Variants in ITPKB observed in about 807,000 individuals in gnomAD.
ITPKB encodes the protein inositol-trisphosphate 3-kinase B.
A neutral mutation model predicts 69.4 loss-of-function variants in ITPKB; 13 were observed. The ratio of observed to expected loss-of-function variants is 0.19; its 90% CI spans 0.12 to 0.30. ITPKB has a LOEUF of 0.30. ITPKB is among the 10% of genes least tolerant of loss of function. ITPKB has a pLI of 1.00. For missense variants in ITPKB, 1,240 were observed against 1,250.5 expected (o/e 0.99, Z 0.13); for synonymous variants, 584 against 513.7 (o/e 1.14, Z -1.85).
intron 2 of ITPKB, among the ~76,000 whole-genome samples, chr1:226,650,987 C>A (rs932753967): frequency 1.3e-5 from 2 of 152,132 alleles, no homozygotes; most frequent in African/African-American, 4.8e-5. Context: ...CTGCAGCGTG[C>A]CAGTTTATAT....
At chr1:226,726,376 A>G (rs1178372459) in intron 2 of ITPKB, among the ~76,000 whole-genome samples, 1 of 152,234 alleles carries the variant, frequency 6.6e-6, no homozygotes, top group African/African-American at 2.4e-5. Context: ...GAAAAAGAGA[A>G]GGCCAGGCTC....
At chr1:226,650,073 C>G (rs1669155913) in intron 2 of ITPKB, among the ~76,000 whole-genome samples, 1 of 152,160 alleles carries the variant, frequency 6.6e-6, no homozygotes, top group African/African-American at 2.4e-5. Context: ...GAGGGTGGTA[C>G]TGCCTGACAG....
chr1:226,728,999 A>G (rs2102648792), intron 2 of ITPKB, among the ~76,000 whole-genome samples: 1 of 152,146 alleles, frequency 6.6e-6, no homozygotes, highest in African/African-American at 2.4e-5. Context: ...TCTCTCCTTC[A>G]TTCATTCACC....
chr1:226,647,466 C>A, intron 3 of ITPKB, 86 bp from the exon 4 acceptor site: 1 of 940,476 alleles, frequency 1.1e-6, no homozygotes, highest in Non-Finnish European at 1.7e-6. Flanking sequence ...CTGGGCCTCC[C>A]TGGGGATGGC....
At chr1:226,663,527 G>C (rs994086277) in intron 2 of ITPKB, among the ~76,000 whole-genome samples, 4 of 151,592 alleles carry the variant, frequency 2.6e-5, no homozygotes, top group Admixed American at 1.3e-4. Flanking sequence ...TTTTTTATGA[G>C]ACAGGGTCTT....
intron 2 of ITPKB, among the ~76,000 whole-genome samples, chr1:226,706,601 A>C (rs1251679950): frequency 6.6e-6 from 1 of 152,204 alleles, no homozygotes; most frequent in Non-Finnish European, 1.5e-5. Context: ...GGGGTTAAAA[A>C]ACACTGATTT....
chr1:226,664,615 A>C (rs1190272852), intron 2 of ITPKB, among the ~76,000 whole-genome samples: 1 of 152,210 alleles, frequency 6.6e-6, no homozygotes, highest in Admixed American at 6.5e-5. Flanking sequence ...AGGGAACAGA[A>C]CCAGCTGGCT....
At chr1:226,714,069 C>T (rs1657037494) in intron 2 of ITPKB, among the ~76,000 whole-genome samples, 1 of 152,214 alleles carries the variant, frequency 6.6e-6, no homozygotes, top group Non-Finnish European at 1.5e-5. Flanking sequence ...TTGAACATTT[C>T]AGGTATGAGC....
rs7524215 is a variant in ITPKB at position 226,673,454 on chromosome 1, C to A, written c.1933-24683G>T. Among the ~76,000 whole-genome samples, 255 of 152,254 alleles carry A rather than the reference C, an allele frequency of 1.7e-3. 2 individuals carry two copies. The highest frequency in any genetic ancestry group is 6.0e-3 in the African/African-American group (248 of 41,532). On this transcript the variant is annotated intron_variant, in intron 2 of 7. Transcript: ENST00000429204. ...CTTGCTTAGGGGTGGGGATGATTTACGGAAGGCTAACACAAGGGCCTTGGT... is the reference window on the plus strand; with the variant it reads ...CTTGCTTAGGGGTGGGGATGATTTAAGGAAGGCTAACACAAGGGCCTTGGT...
At chr1:226,674,635 C>G (rs1438913166) in intron 2 of ITPKB, among the ~76,000 whole-genome samples, 1 of 152,126 alleles carries the variant, frequency 6.6e-6, no homozygotes, top group African/African-American at 2.4e-5. Context: ...CACCCAGCCA[C>G]AAGTTTTAGA....
chr1:226,717,837 C>A (rs1657132333), intron 2 of ITPKB, among the ~76,000 whole-genome samples: 1 of 152,242 alleles, frequency 6.6e-6, no homozygotes, highest in African/African-American at 2.4e-5. Flanking sequence ...AACACCTTCA[C>A]CTGAAGCCCT....
chr1:226,726,926 C>T (rs1657437534), intron 2 of ITPKB, among the ~76,000 whole-genome samples: 1 of 152,124 alleles, frequency 6.6e-6, no homozygotes, highest in East Asian at 1.9e-4. Flanking sequence ...AATCTCTTAG[C>T]CATTTCTTAA....
Position 226,737,067 on chromosome 1 carries a change from A to T in ITPKB, c.392T>A (p.Leu131Gln), listed in dbSNP as rs1236143652. 1 of 1,611,316 alleles carries T rather than the reference A, an allele frequency of 6.2e-7. No individual in the cohort carries two copies. The change falls in exon 2 of 8, where the codon CTG (leucine) becomes CAG (glutamine). Residue 131 changes from leucine to glutamine, a missense_variant. Leu to Gln is a moderately radical substitution (Grantham distance 113). Around this residue, in one of 2 missense-constraint regions of ITPKB, gnomAD observed 992 missense variants for 853.8 expected, o/e 1.16. Transcript: ENST00000429204. ...PPGPEEAKRKLRILQRELQNV... is the reference protein window; with the variant it reads ...PPGPEEAKRKQRILQRELQNV... ...CTGCAACTCGCGCTGCAAGATCCGCAGCTTCCTCTTGGCCTCCTCCGGCCC... is the reference window on the plus strand; with the variant it reads ...CTGCAACTCGCGCTGCAAGATCCGCTGCTTCCTCTTGGCCTCCTCCGGCCC...
intron 2 of ITPKB, among the ~76,000 whole-genome samples, chr1:226,662,458 T>C (rs367747213): frequency 6.6e-6 from 1 of 152,216 alleles, no homozygotes; most frequent in Non-Finnish European, 1.5e-5. Flanking sequence ...CTTCAGGTTA[T>C]ACATTTTAAA....
At chr1:226,655,465 A>C (rs1473157926) in intron 2 of ITPKB, among the ~76,000 whole-genome samples, 3 of 152,172 alleles carry the variant, frequency 2.0e-5, no homozygotes, top group Non-Finnish European at 4.4e-5. Flanking sequence ...CCTCAATCCT[A>C]GGGCAGGGGA....
intron 2 of ITPKB, among the ~76,000 whole-genome samples, chr1:226,700,266 C>G (rs1197060053): frequency 2.0e-5 from 3 of 151,922 alleles, no homozygotes; most frequent in South Asian, 4.2e-4. Flanking sequence ...GTCAGGAGAT[C>G]GAGACCATCC....
At chr1:226,643,673 A>C (rs1669007915) in intron 4 of ITPKB, among the ~76,000 whole-genome samples, 1 of 152,246 alleles carries the variant, frequency 6.6e-6, no homozygotes, top group Non-Finnish European at 1.5e-5. Context: ...AAGAAAAGGG[A>C]AGAAAAAAAC....
Position 226,735,730 on chromosome 1 carries a change from G to C in ITPKB, c.1729C>G (p.Gln577Glu). The C allele has an allele frequency of 6.3e-7, 1 of 1,586,626 alleles. No individual in the cohort carries two copies. Among genetic ancestry groups the C allele is most frequent in the African/African-American group, 1.3e-5 (1 of 74,340 alleles). ...GTCTCCTCCAAGGCCCCATCCTCCT[G>C]GGTGCCCATGTCTGTAATGATGACA... ...PAVIITDMGT[Q>E]EDGALEETQG... Residue 577 changes from glutamine (Q) to glutamate (E), a missense_variant, in exon 2 of 8, where the codon CAG (glutamine) becomes GAG (glutamate). This residue lies in a region of ITPKB where 992 missense variants were observed against 853.8 expected (regional missense o/e 1.16). Coordinates refer to ENST00000429204, the MANE Select transcript of ITPKB (RefSeq NM_002221.4).
At chr1:226,686,914 G>A (rs1370906394) in intron 2 of ITPKB, among the ~76,000 whole-genome samples, 1 of 152,224 alleles carries the variant, frequency 6.6e-6, no homozygotes, top group Non-Finnish European at 1.5e-5. Flanking sequence ...TGCAGGGAGA[G>A]TGAGTTATTG....
Sources: gnomAD v4.1 joint callset for allele counts (sites outside exome capture counted in the v4.1 genomes callset) on GRCh38, gnomAD v4.1.1 for gene constraint, gnomAD v4.1.1 regional missense constraint, MANE v1.5 for transcripts, NCBI Gene and HGNC (gene_info 2026-07-23, HGNC 2026-07-21) for gene names.